Variants in HEPACAM2 observed in about 807,000 individuals in gnomAD.
The protein encoded by HEPACAM2 is HEPACAM family member 2.
A neutral mutation model predicts 49.6 loss-of-function variants in HEPACAM2; 49 were observed. The observed-to-expected ratio is 0.99, with a 90% CI of 0.78 to 1.25. HEPACAM2 has a LOEUF of 1.25. Ranked by LOEUF, HEPACAM2 falls within the 50% of genes most tolerant of loss-of-function variation. The pLI, the probability that HEPACAM2 is intolerant of heterozygous loss-of-function variation, is 0.00. For missense variants in HEPACAM2, 525 were observed against 557.2 expected, an observed-to-expected ratio of 0.94 and a Z score of 0.58; for synonymous variants, 197 against 202.9, an observed-to-expected ratio of 0.97 and a Z score of 0.25.
At chr7:93,205,438 G>GT (rs1230607744) in intron 4 of HEPACAM2, 2 of 152,000 alleles carry the variant, frequency 1.3e-5, no homozygotes, top group Non-Finnish European at 2.9e-5. Context: ...TGGCTTCCAC[G>GT]TTTTATTGCT....
At chr7:93,195,464 C>G (rs550788392) in intron 8 of HEPACAM2, among the ~76,000 whole-genome samples, 1 of 152,210 alleles carries the variant, frequency 6.6e-6, no homozygotes, top group South Asian at 2.1e-4. Flanking sequence ...AGTGATCTTT[C>G]CATCTCAGCC....
intron 8 of HEPACAM2, among the ~76,000 whole-genome samples, chr7:93,194,338 T>G (rs1793629686): frequency 6.6e-6 from 1 of 152,172 alleles, no homozygotes; most frequent in Non-Finnish European, 1.5e-5. Flanking sequence ...AAAATTCAAT[T>G]ATAAGTCTTA....
At chr7:93,213,806 A>C (rs1467434350) in intron 3 of HEPACAM2, among the ~76,000 whole-genome samples, 1 of 152,028 alleles carries the variant, frequency 6.6e-6, no homozygotes, top group East Asian at 1.9e-4. Flanking sequence ...TGAGGAGGTG[A>C]GATAAGTGGA....
chr7:93,213,743 G>A (rs552276887), intron 3 of HEPACAM2, among the ~76,000 whole-genome samples: 3 of 152,072 alleles, frequency 2.0e-5, no homozygotes, highest in Non-Finnish European at 4.4e-5. Context: ...GTGAGGACCC[G>A]GAATGAGAGT....
At position 93,195,863 on chromosome 7, in the gene HEPACAM2, A is replaced by G; in HGVS notation, c.1240T>C (p.Phe414Leu). The change falls in exon 8 of 10, where the codon TTT becomes CTT. Residue 414 changes from phenylalanine to leucine, a missense_variant. Transcript: ENST00000394468. ...CCAGAAACATCTGGAAAAGCAACAA[A>G]TTCATATATTCCGAAGTCATCCAGA... ...DALDDFGIYE[F>L]VAFPDVSGVS... 6 of 1,613,150 alleles carry G rather than the reference A, an allele frequency of 3.7e-6. No homozygotes were observed. The highest frequency in any genetic ancestry group is 5.1e-6 in the Non-Finnish European group (6 of 1,179,486).
intron 8 of HEPACAM2, among the ~76,000 whole-genome samples, chr7:93,194,594 C>T (rs949078453): frequency 2.6e-5 from 4 of 152,064 alleles, no homozygotes; most frequent in Non-Finnish European, 4.4e-5. Context: ...TCCAATCAGT[C>T]CCTCTCCATT....
intron 4 of HEPACAM2, among the ~76,000 whole-genome samples, chr7:93,203,099 C>T (rs1197784142): frequency 4.6e-5 from 7 of 152,120 alleles, no homozygotes; most frequent in Non-Finnish European, 5.9e-5. Context: ...CCTGTAGTGA[C>T]CAGTGCCTGT....
chr7:93,226,315 TAAAA>T, intron 1 of HEPACAM2, 49 bp downstream of exon 1: 1 of 1,124,692 alleles, frequency 8.9e-7, no homozygotes, highest in Non-Finnish European at 1.3e-6. Context: ...TGTCCACAAT[TAAAA>T]AAAAAAAACC....
At chr7:93,197,883 C>T (rs894662573) in intron 4 of HEPACAM2, among the ~76,000 whole-genome samples, 2 of 152,016 alleles carry the variant, frequency 1.3e-5, no homozygotes, top group Admixed American at 6.6e-5. Flanking sequence ...TATCTCATGT[C>T]GTACTTCTCA....
chr7:93,212,035 T>G (rs1290213231), intron 3 of HEPACAM2, among the ~76,000 whole-genome samples: 1 of 152,004 alleles, frequency 6.6e-6, no homozygotes, highest in African/African-American at 2.4e-5. Context: ...ACTCCTCATT[T>G]GGAGTTGCCT....
the HEPACAM2 span, among the ~76,000 whole-genome samples, chr7:93,232,068 T>G: frequency 1.3e-5 from 2 of 152,250 alleles, no homozygotes; most frequent in African/African-American, 4.8e-5. Context: ...GGCTTATATA[T>G]TGTCTCCTCT....
intron 1 of HEPACAM2, among the ~76,000 whole-genome samples, chr7:93,222,895 T>G (rs1794476728): frequency 6.6e-6 from 1 of 152,140 alleles, no homozygotes; most frequent in Non-Finnish European, 1.5e-5. Context: ...TGAGTCCCAG[T>G]TTTTGGTTCA....
chr7:93,232,222 T>C, the HEPACAM2 span: 1 of 480,962 alleles, frequency 2.1e-6, no homozygotes, highest in East Asian at 4.0e-5. Context: ...CCGGCTTAAC[T>C]GAAGCACCCG....
rs533849651 is a variant in HEPACAM2, at chr7:93,197,649, C to G, written c.1013-39G>C. The G allele has an allele frequency of 1.8e-5, 27 of 1,484,988 alleles. No individual in the cohort carries two copies. In the South Asian group the frequency reaches 3.5e-4, roughly 19 times the overall value. The allele number at this position is 1,484,988 out of a possible 1,614,324, so 92.0% of individuals were successfully genotyped here. A position where few individuals can be genotyped will look rare whatever the true frequency, so the allele number is the denominator to read the frequency against. ...TAAACATATTTTTAGCAATAAATTG[C>G]TACAGTATATAACTTGACTTTTTAA... On this transcript the variant is annotated intron_variant, in intron 4 of 9. Coordinates refer to ENST00000394468, the MANE Select transcript of HEPACAM2 (RefSeq NM_001039372.4).
rs1584354286 is a variant in HEPACAM2 at position 93,219,131 on chromosome 7, C to A, written c.400G>T (p.Ala134Ser). Residue 134 changes from alanine (A) to serine (S), a missense_variant, in exon 2 of 10, where the codon GCC becomes TCC. Coordinates refer to ENST00000394468, the MANE Select transcript of HEPACAM2 (RefSeq NM_001039372.4). ...ACCGTGACTTGTATCTTCTGACTGG[C>A]AGATAGAGTTCCATTTCCCTGAATG... ...VNIQGNGTLS[A>S]SQKIQVTVDD... 1 of 1,613,848 alleles carries A rather than the reference C, an allele frequency of 6.2e-7. No homozygotes were observed. Among genetic ancestry groups the A allele is most frequent in the East Asian group, 2.2e-5 (1 of 44,868 alleles).
At chr7:93,191,012 T>C (rs1377430367) in intron 9 of HEPACAM2, among the ~76,000 whole-genome samples, 1 of 152,108 alleles carries the variant, frequency 6.6e-6, no homozygotes, top group African/African-American at 2.4e-5. Context: ...AAATTTTAAT[T>C]AGATTAAATC....
rs1351896146 is a variant in HEPACAM2, at chr7:93,203,158, G to A, written c.1012+5422C>T. Among the ~76,000 whole-genome samples the A allele has an allele frequency of 2.0e-5, 3 of 152,196 alleles. No individual in the cohort carries two copies. In the East Asian group the frequency reaches 5.8e-4, roughly 30 times the overall value. On this transcript the variant is annotated intron_variant, in intron 4 of 9. Transcript: ENST00000394468. ...AAAGGCCAAGAGTCTTCCCAATGGA[G>A]AATGAGGAATAGGGACAATCCTTTT...
chr7:93,216,282 A>G (rs1416042838), intron 2 of HEPACAM2, among the ~76,000 whole-genome samples: 1 of 152,204 alleles, frequency 6.6e-6, no homozygotes, highest in Non-Finnish European at 1.5e-5. Context: ...ACATTATGTT[A>G]GGCACTTTAA....
At chr7:93,207,507 G>A (rs1794059072) in intron 4 of HEPACAM2, among the ~76,000 whole-genome samples, 1 of 151,720 alleles carries the variant, frequency 6.6e-6, no homozygotes, top group Admixed American at 6.6e-5. Context: ...AGAATACAAA[G>A]AAATAAGTAA....
Sources: gnomAD v4.1 joint callset for allele counts (sites outside exome capture counted in the v4.1 genomes callset) on GRCh38, gnomAD v4.1.1 for gene constraint, MANE v1.5 for transcripts, NCBI Gene and HGNC (gene_info 2026-07-23, HGNC 2026-07-21) for gene names.